TMCO6: variants seen among roughly 807,000 people sequenced by gnomAD.
TMCO6 encodes the protein transmembrane and coiled-coil domain-containing protein 6.
A neutral mutation model predicts 61.8 loss-of-function variants in TMCO6; 47 were observed. That is an observed-to-expected ratio of 0.76 (90% CI 0.60 to 0.97). The LOEUF (loss-of-function observed/expected upper bound fraction) is 0.97, where lower values mean the gene tolerates loss of function less well. TMCO6 is among the 50% of genes least tolerant of loss of function. The pLI, the probability that TMCO6 is intolerant of heterozygous loss-of-function variation, is 0.00. For missense variants in TMCO6, 557 were observed against 601.6 expected, an observed-to-expected ratio of 0.93 and a Z score of 0.78; for synonymous variants, 261 against 254.2, an observed-to-expected ratio of 1.03 and a Z score of -0.25.
chr5:140,599,157 G>A, the TMCO6 span, among the ~76,000 whole-genome samples: 1 of 152,160 alleles, frequency 6.6e-6, no homozygotes, highest in African/African-American at 2.4e-5. Context: ...GGGTGCAAGA[G>A]GAATATGTCT....
Position 140,642,053 on chromosome 5 carries a change from A to G in TMCO6, c.498A>G (p.Ile166Met). Residue 166 changes from isoleucine (I) to methionine (M), a missense_variant and splice_region_variant, in exon 4 of 12, where the codon ATA (isoleucine) becomes ATG (methionine). Physicochemically the swap from Ile to Met is conservative, Grantham distance 10. Coordinates refer to ENST00000394671, the MANE Select transcript of TMCO6 (RefSeq NM_018502.5). ...TYLSSHSSDF[I>M]ELCLYTLGNL... ...TCTCCAGTCACAGCTCAGACTTCATAGTAAGCCCTGTCCCTTCCTATCTTG... is the reference window on the plus strand; with the variant it reads ...TCTCCAGTCACAGCTCAGACTTCATGGTAAGCCCTGTCCCTTCCTATCTTG... 2 of 1,602,058 alleles carry G rather than the reference A, an allele frequency of 1.2e-6. No individual in the cohort carries two copies. The highest frequency in any genetic ancestry group is 1.7e-6 in the Non-Finnish European group (2 of 1,169,992).
At chr5:140,625,833 C>T in the TMCO6 span, among the ~76,000 whole-genome samples, 1 of 152,132 alleles carries the variant, frequency 6.6e-6, no homozygotes, top group Non-Finnish European at 1.5e-5. Context: ...GAAAGAATGG[C>T]TAGAATATGT....
chr5:140,644,332 T>C (rs1185690475), intron 10 of TMCO6, 138 bp downstream of exon 10: 1 of 1,019,338 alleles, frequency 9.8e-7, no homozygotes, highest in Non-Finnish European at 1.5e-6. Flanking sequence ...AATCTAGGTG[T>C]GTGTCCCTTA....
At chr5:140,632,376 T>C in the TMCO6 span, 7 of 1,614,174 alleles carry the variant, frequency 4.3e-6, no homozygotes, top group Non-Finnish European at 1.7e-6. The surrounding 1 kb of genome is among the most constrained non-coding windows in gnomAD (Gnocchi z 6.2). Flanking sequence ...TCCAGGATTG[T>C]CAGACAGGTC....
At chr5:140,643,507 CTTCTT>C in intron 7 of TMCO6, 52 bp from the exon 8 acceptor site, 1 of 1,531,722 alleles carries the variant, frequency 6.5e-7, no homozygotes. Flanking sequence ...AACTGCTTCT[CTTCTT>C]AAAGGTGGAA....
upstream of TMCO6, among the ~76,000 whole-genome samples, chr5:140,635,132 T>TGCAGATTTGTCCCC (rs1207832372): frequency 1.3e-5 from 2 of 152,248 alleles, no homozygotes; most frequent in Non-Finnish European, 2.9e-5. Context: ...AAGAAGTAGC[T>TGCAGATTTGTCCCC]GCAGATTTGT....
intron 2 of TMCO6, chr5:140,641,435 G>A: frequency 3.8e-6 from 2 of 530,104 alleles, no homozygotes; most frequent in South Asian, 4.7e-5. Flanking sequence ...TTCAGGTGAG[G>A]AAACTTAGGT....
chr5:140,640,387 T>G (rs934323957), intron 2 of TMCO6, among the ~76,000 whole-genome samples: 1 of 152,094 alleles, frequency 6.6e-6, no homozygotes, highest in African/African-American at 2.4e-5. Context: ...TATTCTGTCT[T>G]GAGAGCCTAT....
chr5:140,643,281 C>A, intron 7 of TMCO6: 1 of 620,760 alleles, frequency 1.6e-6, no homozygotes, highest in East Asian at 3.0e-5. Flanking sequence ...ACTGCAACCT[C>A]TGCCTCCCGG....
Position 140,644,174 on chromosome 5 carries a change from T to G in TMCO6, c.1180T>G (p.Ser394Ala). Residue 394 changes from serine to alanine, a missense_variant, in exon 10 of 12, where the codon TCT (serine) becomes GCT (alanine). Transcript: ENST00000394671. ...GCCTCTCTTACAGCTGTTGCCAGTA[T>G]CTAACGTGGTGAGCGTAATGGTATG... ...IEPLLQLLPVSNVVSVMVLTV... is the reference protein window; with the variant it reads ...IEPLLQLLPVANVVSVMVLTV... 1 of 1,614,194 alleles carries G rather than the reference T, an allele frequency of 6.2e-7. No individual in the cohort carries two copies. The highest frequency in any genetic ancestry group is 2.2e-5 in the East Asian group (1 of 44,880).
chr5:140,629,408 C>T, the TMCO6 span, among the ~76,000 whole-genome samples: 3 of 152,186 alleles, frequency 2.0e-5, no homozygotes, highest in South Asian at 2.1e-4. Flanking sequence ...CTTATAATTC[C>T]TAATACAATG....
At chr5:140,647,459 C>CCGCCTCACCACGCCG (rs745480793), downstream of TMCO6, 86 of 1,610,436 alleles carry the variant, frequency 5.3e-5, no homozygotes, top group South Asian at 6.6e-5. Context: ...CGAAGCCCGC[C>CCGCCTCACCACGCCG]CGCCTCACCA....
the TMCO6 span, among the ~76,000 whole-genome samples, chr5:140,616,009 A>G: frequency 5.3e-5 from 8 of 152,090 alleles, no homozygotes; most frequent in African/African-American, 1.2e-4. Flanking sequence ...GCAGGCACCT[A>G]TAATCCCAGC....
At chr5:140,603,337 T>G in the TMCO6 span, among the ~76,000 whole-genome samples, 5 of 152,276 alleles carry the variant, frequency 3.3e-5, 1 homozygote, top group South Asian at 8.3e-4. Flanking sequence ...AAGCAGAGTT[T>G]CACTCCATTG....
downstream of TMCO6, chr5:140,645,709 A>C (rs371241398): frequency 6.2e-7 from 1 of 1,614,036 alleles, no homozygotes; most frequent in Non-Finnish European, 8.5e-7. Context: ...GTCTTTAACT[A>C]TTCTGCACCC....
chr5:140,638,425 C>T (rs1390213150), upstream of TMCO6, among the ~76,000 whole-genome samples: 1 of 152,034 alleles, frequency 6.6e-6, no homozygotes, highest in African/African-American at 2.4e-5. Context: ...CGTGCCTCGG[C>T]ATCTAACGAA....
At chr5:140,622,659 AAAT>A in the TMCO6 span, among the ~76,000 whole-genome samples, 1 of 152,020 alleles carries the variant, frequency 6.6e-6, no homozygotes, top group African/African-American at 2.4e-5. Context: ...GGAACAACGA[AAAT>A]AAGAAATGTG....
chr5:140,641,417 T>C (rs562177791), intron 2 of TMCO6: 106 of 498,052 alleles, frequency 2.1e-4, no homozygotes, highest in Middle Eastern at 5.5e-4. Context: ...GATATTGTTA[T>C]TCTCATTTTC....
intron 8 of TMCO6, 43 bp downstream of exon 8, chr5:140,643,718 A>T (rs368540779): frequency 6.2e-7 from 1 of 1,605,028 alleles, no homozygotes; most frequent in African/African-American, 1.3e-5. Context: ...ATGTTTCTTG[A>T]TACTCTGGAA....
Sources: allele counts gnomAD v4.1 joint callset (sites outside exome capture counted in the v4.1 genomes callset), GRCh38; gene constraint gnomAD v4.1.1; non-coding constraint Gnocchi (gnomAD v3.1); transcripts MANE v1.5; gene names NCBI Gene and HGNC (gene_info 2026-07-23, HGNC 2026-07-21).